The following ZSWIM4 variants were observed in gnomAD, a reference collection of about 807,000 sequenced individuals.
ZSWIM4 encodes the protein zinc finger SWIM domain-containing protein 4.
Under a neutral mutation model 102.5 loss-of-function variants are expected in ZSWIM4, and 62 were observed. That is an observed-to-expected ratio of 0.60 (90% CI 0.49 to 0.75). The LOEUF (loss-of-function observed/expected upper bound fraction) is 0.75, where lower values mean the gene tolerates loss of function less well. Ranked by LOEUF, ZSWIM4 falls within the 30% of genes least tolerant of loss-of-function variation. ZSWIM4 has a pLI of 0.00. For synonymous variants in ZSWIM4, 652 were observed against 674.5 expected (o/e 0.97, Z 0.52); for missense variants, 1,280 against 1,529.6 (o/e 0.84, Z 2.72).
In ZSWIM4 at chr19:13,804,878, T is replaced by C. The variant is rs1974873273; in HGVS notation, c.442T>C (p.Cys148Arg). ...CCATGTCTCCATCAGCTTTGATCGC[T>C]GCAAGATCACGTCCGTGAGCTGCGG... ...LYHVSISFDRCKITSVSCGCD... is the reference protein window; with the variant it reads ...LYHVSISFDRRKITSVSCGCD... The change falls in exon 3 of 14, where the codon TGC becomes CGC. Residue 148 changes from cysteine (C) to arginine (R), a missense_variant. Physicochemically the swap from Cys to Arg is radical, Grantham distance 180 (BLOSUM62 -3). Coordinates refer to ENST00000590508, the MANE Select transcript of ZSWIM4 (RefSeq NM_001367834.3). The C allele has an allele frequency of 1.2e-6, 2 of 1,613,478 alleles. No individual in the cohort carries two copies. The highest frequency in any genetic ancestry group is 1.3e-5 in the African/African-American group (1 of 74,932).
intron 5 of ZSWIM4, among the ~76,000 whole-genome samples, chr19:13,810,772 G>A (rs1451182133): frequency 2.0e-5 from 3 of 150,858 alleles, no homozygotes; most frequent in Non-Finnish European, 4.4e-5. Flanking sequence ...ACCACGCCCG[G>A]CTAATTTTTT....
rs148483290 is a variant in ZSWIM4, at chr19:13,823,607, C to T, written c.2215+107C>T. On this transcript the variant is annotated intron_variant, in intron 11 of 13. Transcript: ENST00000590508. ...CTCTTATCCTTTCACAAACTTCCCC[C>T]TGCATTCTTTGAGCACCTCCTATAT... is the stretch of plus-strand genomic sequence containing the variant. 60 of 1,368,398 alleles carry T rather than the reference C, an allele frequency of 4.4e-5. No homozygotes were observed. The African/African-American group carries it at 5.4e-4, about 12-fold the overall frequency. 84.8% of individuals were successfully genotyped at this position (1,368,398 alleles called of 1,614,324 possible). A position where few individuals can be genotyped will look rare whatever the true frequency, so the allele number is the denominator to read the frequency against.
intron 5 of ZSWIM4, among the ~76,000 whole-genome samples, chr19:13,810,088 G>A (rs930393031): frequency 4.6e-4 from 69 of 151,122 alleles, no homozygotes; most frequent in African/African-American, 1.6e-3. Context: ...TCCGCCCTCC[G>A]GGTTCACACC....
At chr19:13,818,563 C>T (rs918330406) in intron 9 of ZSWIM4, among the ~76,000 whole-genome samples, 5 of 152,098 alleles carry the variant, frequency 3.3e-5, no homozygotes, top group African/African-American at 1.2e-4. Flanking sequence ...TTTCCTTTTC[C>T]TTTTTTCCTT....
intron 7 of ZSWIM4, among the ~76,000 whole-genome samples, chr19:13,815,501 C>A (rs1421365447): frequency 1.0e-5 from 1 of 96,642 alleles, no homozygotes; most frequent in East Asian, 3.4e-4. Flanking sequence ...GATGGAGTCT[C>A]GGTCTTTCGC....
chr19:13,798,371 C>T (rs150196009), intron 1 of ZSWIM4, among the ~76,000 whole-genome samples: 18 of 152,246 alleles, frequency 1.2e-4, no homozygotes, highest in African/African-American at 2.4e-4. Flanking sequence ...TGGTCTGGAA[C>T]GCCTGAGCTC....
At position 13,823,518 on chromosome 19, in the gene ZSWIM4, C is replaced by T; in HGVS notation, c.2215+18C>T. 1 of 1,554,910 alleles carries T rather than the reference C, an allele frequency of 6.4e-7. No homozygotes were observed. Among genetic ancestry groups the T allele is most frequent in the Non-Finnish European group, 8.7e-7 (1 of 1,148,458 alleles). On this transcript the variant is annotated intron_variant, in intron 11 of 13. Coordinates refer to ENST00000590508, the MANE Select transcript of ZSWIM4 (RefSeq NM_001367834.3). Reference sequence around the variant, plus strand: ...CGCCAAGGGTGAGGCTGGCAGCTGTCCCGATTCCTTTGTCTTCCTCCTCTG... The same window carrying T: ...CGCCAAGGGTGAGGCTGGCAGCTGTTCCGATTCCTTTGTCTTCCTCCTCTG...
chr19:13,809,253 C>G lies in ZSWIM4; in HGVS notation c.1012+33C>G, dbSNP rs373235520. On this transcript the variant is annotated intron_variant, in intron 5 of 13. Transcript: ENST00000590508. This position sits in a 1 kb window ranked among gnomAD's most constrained non-coding sequence, Gnocchi z 4.2. ...CCAAACCCCGGTGCGTGGTGGACAC[C>G]GGGACTTCGGCTCCCATGGGGGCTG... is the stretch of plus-strand genomic sequence containing the variant. 6.4e-7 allele frequency: 1 copy of G among 1,564,212 alleles called. No homozygotes were observed.
At chr19:13,823,615 T>G in intron 11 of ZSWIM4, 115 bp downstream of exon 11, 2 of 1,249,618 alleles carry the variant, frequency 1.6e-6, no homozygotes, top group South Asian at 2.9e-5. Flanking sequence ...CCCTGCATTC[T>G]TTGAGCACCT....
At chr19:13,828,839 A>C in intron 13 of ZSWIM4, 113 bp downstream of exon 13, 4 of 1,001,148 alleles carry the variant, frequency 4.0e-6, no homozygotes, top group Non-Finnish European at 4.5e-6. Flanking sequence ...GGTGGCTCAC[A>C]CCTGTAATCC....
At chr19:13,796,466 C>G (rs1302495867) in intron 1 of ZSWIM4, 2 of 152,540 alleles carry the variant, frequency 1.3e-5, no homozygotes, top group African/African-American at 4.8e-5. Flanking sequence ...GCCCTCGAGC[C>G]TCCAGATTCC....
At chr19:13,802,192 A>T (rs1362504070) in intron 2 of ZSWIM4, among the ~76,000 whole-genome samples, 1 of 136,666 alleles carries the variant, frequency 7.3e-6, no homozygotes, top group Non-Finnish European at 1.6e-5. Context: ...TAGCCAGGAT[A>T]GTCTCGATCT....
Position 13,830,108 on chromosome 19 carries a change from G to T in ZSWIM4, c.2462-83G>T, listed in dbSNP as rs1010845105. The T allele has an allele frequency of 2.5e-5, 38 of 1,505,484 alleles. No homozygotes were observed. In the African/African-American group the frequency reaches 4.5e-4, roughly 18 times the overall value. The allele number at this position is 1,505,484 out of a possible 1,614,324, so 93.3% of individuals were successfully genotyped here. A position where few individuals can be genotyped will look rare whatever the true frequency, so the allele number is the denominator to read the frequency against. On this transcript the variant is annotated intron_variant, in intron 13 of 13. Transcript: ENST00000590508. ...TGGTGTGGAGGTGGAAGTGGAGGTG[G>T]CAGTGTCATGGTTAACCCACGCATA... is the stretch of plus-strand genomic sequence containing the variant.
At chr19:13,797,118 C>T (rs1219289297) in intron 1 of ZSWIM4, among the ~76,000 whole-genome samples, 1 of 152,192 alleles carries the variant, frequency 6.6e-6, no homozygotes, top group Non-Finnish European at 1.5e-5. Flanking sequence ...CTGCCCTGGC[C>T]AAGCCGAGCC....
In ZSWIM4 at chr19:13,817,780, T is replaced by C. The variant is rs1441823850; in HGVS notation, c.1728T>C (p.Pro576=). ...AGCACGTGCCTGTGCCCGGGAGCCC[T>C]GGGGAGTCCTACTTGGTGCTGGCGC... The part of the protein sequence containing the change: ...AYQHVPVPGS[P]GESYLVLALE... The change falls in exon 9 of 14, where the codon CCT becomes CCC. Residue 576 remains proline (P), a synonymous_variant. Coordinates refer to ENST00000590508, the MANE Select transcript of ZSWIM4 (RefSeq NM_001367834.3). 5.0e-6 allele frequency: 8 copies of C among 1,599,732 alleles called. No individual in the cohort carries two copies. The African/African-American group carries it at 9.4e-5, about 19-fold the overall frequency.
intron 3 of ZSWIM4, among the ~76,000 whole-genome samples, chr19:13,806,838 T>C (rs937372473): frequency 1.3e-5 from 2 of 151,574 alleles, no homozygotes; most frequent in African/African-American, 4.9e-5. Context: ...TGGGAGTGAG[T>C]TGATGGGTGA....
At chr19:13,815,833 G>A (rs1975263106) in intron 7 of ZSWIM4, among the ~76,000 whole-genome samples, 2 of 151,780 alleles carry the variant, frequency 1.3e-5, no homozygotes, top group African/African-American at 4.8e-5. Context: ...CAGCTACTAG[G>A]GAGGCTGCGG....
intron 1 of ZSWIM4, among the ~76,000 whole-genome samples, chr19:13,799,367 A>G (rs2145250008): frequency 7.0e-6 from 1 of 143,860 alleles, no homozygotes; most frequent in African/African-American, 2.6e-5. Context: ...TCTGCCTTCC[A>G]GGTTCCAGCG....
Position 13,830,259 on chromosome 19 carries a change from A to G in ZSWIM4, c.2530A>G (p.Ile844Val), listed in dbSNP as rs148900071. ...ATTCACACCAGTGGAGGCGGCTACC[A>G]TCGTGGCAGTGACGGGCACCACACA... Reference protein sequence around the residue: ...SLFTPVEAATIVAVTGTTHAT... With the variant: ...SLFTPVEAATVVAVTGTTHAT... Residue 844 changes from isoleucine to valine, a missense_variant, in exon 14 of 14, where the codon ATC becomes GTC. Physicochemically the swap from Ile to Val is conservative, Grantham distance 29. Coordinates refer to ENST00000590508, the MANE Select transcript of ZSWIM4 (RefSeq NM_001367834.3). The G allele has an allele frequency of 3.7e-6, 6 of 1,613,852 alleles. No individual in the cohort carries two copies. Among genetic ancestry groups the G allele is most frequent in the South Asian group, 1.1e-5 (1 of 91,088 alleles).
Sources: allele counts gnomAD v4.1 joint callset (sites outside exome capture counted in the v4.1 genomes callset), GRCh38; gene constraint gnomAD v4.1.1; non-coding constraint Gnocchi (gnomAD v3.1); transcripts MANE v1.5; gene names NCBI Gene and HGNC (gene_info 2026-07-23, HGNC 2026-07-21).